The following KCNAB1 variants were observed in gnomAD, a reference collection of about 807,000 sequenced individuals.
The protein encoded by KCNAB1 is potassium voltage-gated channel subfamily A regulatory beta subunit 1.
KCNAB1 carries 35 observed loss-of-function variants against 64.6 expected under a neutral mutation model. The ratio of observed to expected loss-of-function variants is 0.54; its 90% confidence interval spans 0.41 to 0.72. The LOEUF is 0.72. Ranked by LOEUF, KCNAB1 falls within the 30% of genes least tolerant of loss-of-function variation. KCNAB1 has a pLI of 0.00. For missense variants in KCNAB1, 401 were observed against 512.9 expected, an observed-to-expected ratio of 0.78 and a Z score of 2.11; for synonymous variants, 177 against 183.8, an observed-to-expected ratio of 0.96 and a Z score of 0.30.
chr3:156,310,314 G>T (rs896662768), intron 1 of KCNAB1, among the ~76,000 whole-genome samples: 1 of 152,222 alleles, frequency 6.6e-6, no homozygotes, highest in Non-Finnish European at 1.5e-5. Flanking sequence ...ACTGGCTGCT[G>T]TAGGGTGTGG....
At chr3:156,133,040 T>TA (rs146775353) in intron 1 of KCNAB1, among the ~76,000 whole-genome samples, 2,325 of 152,312 alleles carry the variant, frequency 0.015, 76 homozygotes, top group African/African-American at 0.054. Flanking sequence ...AATATTTCCT[T>TA]AAAAAATCAA....
intron 8 of KCNAB1, among the ~76,000 whole-genome samples, chr3:156,501,681 C>T (rs949734263): frequency 3.3e-5 from 5 of 152,140 alleles, no homozygotes; most frequent in Non-Finnish European, 5.9e-5. Flanking sequence ...ATCCACCCCC[C>T]TCAGCCTCCC....
chr3:156,189,831 G>A (rs944743571), intron 1 of KCNAB1, among the ~76,000 whole-genome samples: 1 of 152,118 alleles, frequency 6.6e-6, no homozygotes, highest in African/African-American at 2.4e-5. Flanking sequence ...ACATGCTAAG[G>A]TCATTTTGTT....
intron 2 of KCNAB1, among the ~76,000 whole-genome samples, chr3:156,443,256 C>T (rs971655753): frequency 1.3e-5 from 2 of 152,008 alleles, no homozygotes; most frequent in Non-Finnish European, 2.9e-5. Flanking sequence ...AATGGGAACA[C>T]GAAGCTTATC....
At chr3:156,329,796 G>T (rs932418127) in intron 1 of KCNAB1, among the ~76,000 whole-genome samples, 25 of 152,284 alleles carry the variant, frequency 1.6e-4, no homozygotes, top group African/African-American at 5.8e-4. Flanking sequence ...TAGCAAATGT[G>T]GGTGTAGACA....
chr3:156,246,766 G>A (rs957713508), intron 1 of KCNAB1, among the ~76,000 whole-genome samples: 1 of 152,118 alleles, frequency 6.6e-6, no homozygotes, highest in Non-Finnish European at 1.5e-5. Context: ...CTTCTGGGAG[G>A]TTGTGTTTGT....
intron 8 of KCNAB1, among the ~76,000 whole-genome samples, chr3:156,513,520 G>T (rs2108389837): frequency 6.6e-6 from 1 of 152,312 alleles, no homozygotes. Context: ...CTTTGTAGAA[G>T]AAATCCAACC....
chr3:156,408,705 G>A (rs1714427607), intron 1 of KCNAB1, among the ~76,000 whole-genome samples: 1 of 151,970 alleles, frequency 6.6e-6, no homozygotes, highest in Admixed American at 6.6e-5. Context: ...ACTTGAACCT[G>A]GGAGACAGAG....
At chr3:156,196,498 A>G (rs370306492) in intron 1 of KCNAB1, among the ~76,000 whole-genome samples, 2 of 152,074 alleles carry the variant, frequency 1.3e-5, no homozygotes, top group African/African-American at 4.8e-5. Flanking sequence ...GTAGTGGTTT[A>G]TAGTTCTCCT....
intron 13 of KCNAB1, among the ~76,000 whole-genome samples, chr3:156,533,773 G>C (rs1438021485): frequency 6.6e-6 from 1 of 152,082 alleles, no homozygotes; most frequent in South Asian, 2.1e-4. Flanking sequence ...AGAAGAGGGA[G>C]GAATTGAGGA....
chr3:156,234,710 G>A (rs1401942787), intron 1 of KCNAB1, among the ~76,000 whole-genome samples: 1 of 152,164 alleles, frequency 6.6e-6, no homozygotes, highest in South Asian at 2.1e-4. Flanking sequence ...TGAATTTAAA[G>A]TGAGGCTGAT....
At chr3:156,421,466 C>A in intron 1 of KCNAB1, 150 bp from the exon 2 acceptor site, 2 of 688,030 alleles carry the variant, frequency 2.9e-6, no homozygotes, top group Non-Finnish European at 4.9e-6. Context: ...GCAAGGGAGA[C>A]CTGTCTCAAG....
chr3:156,239,008 G>A (rs931821247), intron 1 of KCNAB1, among the ~76,000 whole-genome samples: 1 of 152,138 alleles, frequency 6.6e-6, no homozygotes, highest in African/African-American at 2.4e-5. Flanking sequence ...AGAGCAGATC[G>A]TTACCTTTAC....
chr3:156,315,106 T>C (rs555613715), intron 1 of KCNAB1, among the ~76,000 whole-genome samples: 46 of 152,324 alleles, frequency 3.0e-4, no homozygotes, highest in African/African-American at 9.9e-4. Context: ...ACTTTGTCAA[T>C]AGGACAATTG....
intron 1 of KCNAB1, among the ~76,000 whole-genome samples, chr3:156,392,249 T>A (rs1713097984): frequency 6.6e-6 from 1 of 152,250 alleles, no homozygotes. Flanking sequence ...TATTCACTGC[T>A]GTATCCTCAG....
chr3:156,478,749 T>G (rs1714567666), intron 8 of KCNAB1, among the ~76,000 whole-genome samples: 1 of 152,206 alleles, frequency 6.6e-6, no homozygotes, highest in Non-Finnish European at 1.5e-5. Context: ...ATCCAGTTTC[T>G]ACATATCATA....
At chr3:156,379,423 G>A (rs1435050130) in intron 1 of KCNAB1, among the ~76,000 whole-genome samples, 2 of 152,166 alleles carry the variant, frequency 1.3e-5, no homozygotes, top group Non-Finnish European at 2.9e-5. Context: ...GAGGGTGTTG[G>A]TGTGGGAATT....
intron 7 of KCNAB1, among the ~76,000 whole-genome samples, chr3:156,467,098 T>G (rs1443324213): frequency 2.0e-5 from 3 of 152,136 alleles, no homozygotes; most frequent in Admixed American, 6.5e-5. Flanking sequence ...TGCCCTACAG[T>G]TGGGTAAAAC....
intron 1 of KCNAB1, among the ~76,000 whole-genome samples, chr3:156,214,263 C>A (rs917208406): frequency 6.6e-6 from 1 of 151,932 alleles, no homozygotes; most frequent in Admixed American, 6.6e-5. Flanking sequence ...CAATTTGTAC[C>A]CAACTTGGAT....
Sources: allele counts gnomAD v4.1 joint callset (sites outside exome capture counted in the v4.1 genomes callset), GRCh38; gene constraint gnomAD v4.1.1; transcripts MANE v1.5; gene names NCBI Gene and HGNC (gene_info 2026-07-23, HGNC 2026-07-21).